The following DPP10 variants were observed in gnomAD, a reference collection of about 807,000 sequenced individuals.
DPP10 encodes the protein inactive dipeptidyl peptidase 10.
In DPP10, 33 loss-of-function variants were observed where a neutral mutation model predicts 120.9. The observed-to-expected ratio is 0.27, with a 90% CI of 0.21 to 0.37. The LOEUF is 0.37. DPP10 is among the 10% of genes least tolerant of loss of function. The probability of loss-of-function intolerance (pLI) is 1.00; values close to 1 mark genes in which losing one functional copy is unlikely to be tolerated. For synonymous variants in DPP10, 337 were observed against 326.1 expected (o/e 1.03, Z -0.36); for missense variants, 816 against 942.8 (o/e 0.87, Z 1.76).
intron 3 of DPP10, among the ~76,000 whole-genome samples, chr2:115,376,609 G>C (rs1174997417): frequency 6.6e-6 from 1 of 151,048 alleles, no homozygotes; most frequent in Admixed American, 6.6e-5. Flanking sequence ...GTGCAGGTTA[G>C]TTACAGATGT....
intron 1 of DPP10, among the ~76,000 whole-genome samples, chr2:115,029,152 G>A (rs753032281): frequency 1.3e-5 from 2 of 150,774 alleles, no homozygotes; most frequent in African/African-American, 2.4e-5. Context: ...CTTTTTTTAC[G>A]GTCTTCCTTT....
chr2:114,776,346 C>A (rs1681736507), intron 1 of DPP10, among the ~76,000 whole-genome samples: 1 of 152,058 alleles, frequency 6.6e-6, no homozygotes, highest in Non-Finnish European at 1.5e-5. Flanking sequence ...TGCCTTTGAA[C>A]ACACTATCTC....
intron 1 of DPP10, among the ~76,000 whole-genome samples, chr2:114,691,261 G>C (rs974855081): frequency 2.0e-5 from 3 of 152,056 alleles, no homozygotes; most frequent in Non-Finnish European, 4.4e-5. Context: ...TTTACTGAGA[G>C]TTTTAAACAT....
chr2:115,672,648 C>CTT (rs1244255994), intron 5 of DPP10, among the ~76,000 whole-genome samples: 1 of 121,506 alleles, frequency 8.2e-6, no homozygotes, highest in African/African-American at 3.6e-5. Context: ...TTCTTTCTCT[C>CTT]TCTCTTTCTT....
chr2:115,274,649 TAGAA>T (rs1042469739), intron 1 of DPP10, among the ~76,000 whole-genome samples: 50 of 152,220 alleles, frequency 3.3e-4, no homozygotes, highest in African/African-American at 1.1e-3. Context: ...CTGTGGAAAA[TAGAA>T]AGAAAAATTA....
At chr2:115,716,313 A>G (rs929779418) in intron 7 of DPP10, among the ~76,000 whole-genome samples, 1 of 152,186 alleles carries the variant, frequency 6.6e-6, no homozygotes, top group African/African-American at 2.4e-5. Context: ...ATACTTTTTG[A>G]CATGCTTTTC....
intron 3 of DPP10, among the ~76,000 whole-genome samples, chr2:115,492,881 G>T (rs953375682): frequency 6.6e-6 from 1 of 152,058 alleles, no homozygotes; most frequent in Non-Finnish European, 1.5e-5. Flanking sequence ...AGAAGAGAGG[G>T]ATATTAGGTG....
chr2:114,849,261 T>G (rs1461446774), intron 1 of DPP10, among the ~76,000 whole-genome samples: 4 of 152,142 alleles, frequency 2.6e-5, no homozygotes, highest in African/African-American at 4.8e-5. Flanking sequence ...CTAAAATAAT[T>G]GTTCTGGGTC....
chr2:115,406,445 A>G (rs1177594808), intron 3 of DPP10, among the ~76,000 whole-genome samples: 2 of 152,152 alleles, frequency 1.3e-5, no homozygotes, highest in Non-Finnish European at 2.9e-5. Context: ...TTTATAATAG[A>G]ATATTATTCT....
chr2:114,939,866 T>C (rs1043091700), intron 1 of DPP10, among the ~76,000 whole-genome samples: 6 of 152,156 alleles, frequency 3.9e-5, no homozygotes, highest in Non-Finnish European at 8.8e-5. Flanking sequence ...GTGAAATAAA[T>C]ATTTGATTTC....
chr2:114,630,801 G>A (rs1422020199), intron 1 of DPP10, among the ~76,000 whole-genome samples: 1 of 152,154 alleles, frequency 6.6e-6, no homozygotes, highest in South Asian at 2.1e-4. Context: ...TAAGGATACT[G>A]TGTGCCCCCA....
chr2:115,374,282 C>T (rs756225858), intron 3 of DPP10, among the ~76,000 whole-genome samples: 4 of 152,130 alleles, frequency 2.6e-5, no homozygotes, highest in Non-Finnish European at 5.9e-5. Context: ...GCAAATACTC[C>T]CATTCCAAGT....
intron 21 of DPP10, among the ~76,000 whole-genome samples, chr2:115,824,628 A>G (rs955051084): frequency 2.0e-5 from 3 of 152,054 alleles, no homozygotes; most frequent in African/African-American, 7.2e-5. Flanking sequence ...AGCTTCATCA[A>G]TGTCCCTGCC....
At chr2:115,203,725 C>T (rs986607612) in intron 1 of DPP10, among the ~76,000 whole-genome samples, 12 of 152,076 alleles carry the variant, frequency 7.9e-5, no homozygotes, top group Non-Finnish European at 1.6e-4. Context: ...TCTTCTTGAC[C>T]TCTCTATGAT....
At chr2:115,690,978 C>T (rs370436343) in intron 7 of DPP10, among the ~76,000 whole-genome samples, 14 of 152,212 alleles carry the variant, frequency 9.2e-5, no homozygotes, top group Admixed American at 2.0e-4. Flanking sequence ...AATAGTATTT[C>T]GTTATAGTTT....
chr2:115,400,102 T>C (rs2067961129), intron 3 of DPP10, among the ~76,000 whole-genome samples: 1 of 152,068 alleles, frequency 6.6e-6, no homozygotes, highest in Non-Finnish European at 1.5e-5. Context: ...TCATTCACTA[T>C]CATGAGAACA....
At chr2:115,722,025 C>T (rs1326770827) in intron 7 of DPP10, among the ~76,000 whole-genome samples, 1 of 152,026 alleles carries the variant, frequency 6.6e-6, no homozygotes, top group East Asian at 1.9e-4. Flanking sequence ...CATGATTCCC[C>T]TTTTATGGGG....
intron 7 of DPP10, among the ~76,000 whole-genome samples, chr2:115,726,547 C>G (rs1376381137): frequency 5.3e-5 from 8 of 152,064 alleles, no homozygotes; most frequent in Admixed American, 1.3e-4. Flanking sequence ...AAAGTCCACG[C>G]TTGTAACCAC....
rs546555119 is a variant in DPP10, at chr2:115,231,815, G to A, written c.61-77424G>A. Among the ~76,000 whole-genome samples the A allele has an allele frequency of 2.0e-5, 3 of 152,194 alleles. No individual in the cohort carries two copies. The East Asian group carries it at 5.8e-4, about 29-fold the overall frequency. The stretch of plus-strand genomic sequence containing the variant: ...CCTCTATGCTCCCACCACAGTATTT[G>A]GGATCAGCTCCACCTTATCTCTTGT... On this transcript the variant is annotated intron_variant, in intron 1 of 25. Transcript: ENST00000410059.
Sources: gnomAD v4.1 joint callset for allele counts (sites outside exome capture counted in the v4.1 genomes callset) on GRCh38, gnomAD v4.1.1 for gene constraint, MANE v1.5 for transcripts, NCBI Gene and HGNC (gene_info 2026-07-23, HGNC 2026-07-21) for gene names.